The following SYTL3 variants were observed in gnomAD, a reference collection of about 807,000 sequenced individuals.
SYTL3 encodes synaptotagmin like 3.
A neutral mutation model predicts 82.1 loss-of-function variants in SYTL3; 88 were observed. The observed-to-expected ratio is 1.07, with a 90% CI of 0.90 to 1.28. The LOEUF (loss-of-function observed/expected upper bound fraction) is 1.28. Ranked by LOEUF, SYTL3 falls within the 50% of genes most tolerant of loss-of-function variation. The pLI, the probability that SYTL3 is intolerant of heterozygous loss-of-function variation, is 0.00. For missense variants in SYTL3, 831 were observed against 757.6 expected (o/e 1.10, Z -1.14); for synonymous variants, 311 against 289.4 (o/e 1.07, Z -0.76).
rs958182179 is a variant in SYTL3, at chr6:158,669,228, TAAA to T, written c.329+3617_329+3619del. Among the ~76,000 whole-genome samples the T allele has an allele frequency of 2.0e-5, 3 of 152,374 alleles. No individual in the cohort carries two copies. In the South Asian group the frequency reaches 6.2e-4, roughly 32 times the overall value. ...TTATGTTTGCATTAATTTTTTCTAT[TAAA>T]ACGAATATACTGTGTCATAACTAAT... On this transcript the variant is annotated intron_variant, in intron 5 of 17. Transcript: ENST00000611299.
intron 5 of SYTL3, among the ~76,000 whole-genome samples, chr6:158,667,283 C>T (rs1790193241): frequency 6.6e-6 from 1 of 152,220 alleles, no homozygotes; most frequent in Non-Finnish European, 1.5e-5. Context: ...TGTAACTTTA[C>T]CCTCTAAGTA....
intron 6 of SYTL3, among the ~76,000 whole-genome samples, chr6:158,684,861 G>A (rs983853407): frequency 2.9e-4 from 44 of 150,802 alleles, no homozygotes; most frequent in African/African-American, 1.1e-3. Context: ...GAAACCTGGA[G>A]GAAAAAACTA....
intron 5 of SYTL3, among the ~76,000 whole-genome samples, chr6:158,674,098 A>AAT (rs1554244723): frequency 7.2e-6 from 1 of 139,206 alleles, no homozygotes; most frequent in East Asian, 2.2e-4. Context: ...TAATAATAAT[A>AAT]ATAATAATAA....
Position 158,663,001 on chromosome 6 carries a change from G to A in SYTL3, c.-268G>A. The A allele has an allele frequency of 3.0e-6, 1 of 333,542 alleles. No individual in the cohort carries two copies. Among genetic ancestry groups the A allele is most frequent in the South Asian group, 6.5e-5 (1 of 15,348 alleles). 20.7% of individuals were successfully genotyped at this position (333,542 alleles called of 1,614,324 possible). ...GATGTCAGCAGCTGCTGCAGAACCC[G>A]GTGAAAACACCCCCCGGGTAGCACG... On this transcript the variant is annotated 5_prime_UTR_variant, in exon 4 of 18. Transcript: ENST00000611299.
At chr6:158,687,996 CAG>C (rs914204796) in intron 6 of SYTL3, among the ~76,000 whole-genome samples, 1 of 152,182 alleles carries the variant, frequency 6.6e-6, no homozygotes, top group African/African-American at 2.4e-5. Flanking sequence ...TGTGTGTGCA[CAG>C]ATAGACTTAT....
chr6:158,760,780 G>A (rs150095422), intron 15 of SYTL3, 35 bp downstream of exon 15: 3 of 1,541,018 alleles, frequency 1.9e-6, no homozygotes, highest in Non-Finnish European at 2.7e-6. Flanking sequence ...CATTGTCTGT[G>A]TCATTGTCTG....
upstream of SYTL3, among the ~76,000 whole-genome samples, chr6:158,645,602 C>G (rs1485843935): frequency 1.3e-5 from 2 of 152,192 alleles, no homozygotes; most frequent in African/African-American, 4.8e-5. Context: ...AATCCCACAT[C>G]TAATCCATCA....
At chr6:158,659,324 T>C (rs948550176) in intron 2 of SYTL3, among the ~76,000 whole-genome samples, 19 of 152,304 alleles carry the variant, frequency 1.2e-4, no homozygotes, top group Middle Eastern at 3.4e-3. Context: ...CAGAAGGAGC[T>C]GTCTGTCTAG....
At chr6:158,645,046 C>T (rs1399559283), upstream of SYTL3, among the ~76,000 whole-genome samples, 1 of 152,232 alleles carries the variant, frequency 6.6e-6, no homozygotes, top group Non-Finnish European at 1.5e-5. Context: ...GTCCCGGCCC[C>T]TCCTCCGGTT....
chr6:158,657,264 A>G (rs1254206506), intron 2 of SYTL3, among the ~76,000 whole-genome samples: 1 of 151,994 alleles, frequency 6.6e-6, no homozygotes, highest in Non-Finnish European at 1.5e-5. Context: ...TTTCTCTACT[A>G]AAAATACAAA....
At chr6:158,699,462 T>C (rs1199110074) in intron 6 of SYTL3, among the ~76,000 whole-genome samples, 3 of 152,012 alleles carry the variant, frequency 2.0e-5, no homozygotes, top group Non-Finnish European at 4.4e-5. Flanking sequence ...GGCTGAGAAA[T>C]GGATGCATAG....
At chr6:158,648,590 C>CAAAAAAA (rs869171730), upstream of SYTL3, among the ~76,000 whole-genome samples, 2 of 131,432 alleles carry the variant, frequency 1.5e-5, no homozygotes, top group Admixed American at 7.8e-5. Context: ...GACTCGGTCT[C>CAAAAAAA]AAAAAAAAAA....
intron 11 of SYTL3, among the ~76,000 whole-genome samples, chr6:158,736,800 A>AG (rs1376914958): frequency 2.0e-5 from 3 of 151,918 alleles, no homozygotes; most frequent in East Asian, 3.9e-4. Flanking sequence ...AAAAAAAAAA[A>AG]AAAAAAGTAG....
intron 6 of SYTL3, among the ~76,000 whole-genome samples, chr6:158,702,658 G>T (rs113577040): frequency 6.6e-6 from 1 of 152,040 alleles, no homozygotes; most frequent in Admixed American, 6.6e-5. Context: ...GAAGCAGAGC[G>T]GTGACCCCGT....
At chr6:158,719,657 CCTT>C (rs1583358060) in intron 10 of SYTL3, among the ~76,000 whole-genome samples, 2 of 152,336 alleles carry the variant, frequency 1.3e-5, no homozygotes, top group East Asian at 1.9e-4. Flanking sequence ...GGGGATCACT[CCTT>C]CTAGTGAAAC....
chr6:158,735,499 G>C (rs1158584158), intron 11 of SYTL3, among the ~76,000 whole-genome samples: 1 of 151,988 alleles, frequency 6.6e-6, no homozygotes, highest in East Asian at 1.9e-4. Flanking sequence ...GTTCCCTTTA[G>C]GCTGAAGCAG....
In SYTL3 at chr6:158,663,597, T is replaced by A. The variant is rs117822128; in HGVS notation, c.110+219T>A. 6.0e-3 allele frequency: 5,886 copies of A among 985,256 alleles called. 27 individuals are homozygous for A. The highest frequency in any genetic ancestry group is 6.7e-3 in the Non-Finnish European group (5,597 of 829,888). 61.0% of individuals were successfully genotyped at this position (985,256 alleles called of 1,614,324 possible). A position where few individuals can be genotyped will look rare whatever the true frequency, so the allele number is the denominator to read the frequency against. On this transcript the variant is annotated intron_variant, in intron 4 of 17. Transcript: ENST00000611299. ...AGGAGGAGGAGGGAGGCCGCTCTTG[T>A]TATTCATTTAAAACGGTGCCTTTGG...
At chr6:158,667,694 C>A (rs1386429286) in intron 5 of SYTL3, among the ~76,000 whole-genome samples, 1 of 152,182 alleles carries the variant, frequency 6.6e-6, no homozygotes, top group South Asian at 2.1e-4. Flanking sequence ...GTGACAGGAA[C>A]AAGATGAGGA....
At chr6:158,668,127 G>C (rs1218256337) in intron 5 of SYTL3, among the ~76,000 whole-genome samples, 1 of 152,224 alleles carries the variant, frequency 6.6e-6, no homozygotes, top group African/African-American at 2.4e-5. Flanking sequence ...TAAGAACAGA[G>C]TGAAGATGGC....
Sources: allele counts gnomAD v4.1 joint callset (sites outside exome capture counted in the v4.1 genomes callset), GRCh38; gene constraint gnomAD v4.1.1; transcripts MANE v1.5; gene names NCBI Gene and HGNC (gene_info 2026-07-23, HGNC 2026-07-21).